The following ARMH3 variants were observed in gnomAD, a reference collection of about 807,000 sequenced individuals.
ARMH3 encodes armadillo-like helical domain-containing protein 3.
ARMH3 carries 60 observed loss-of-function variants against 99.1 expected under a neutral mutation model. The observed-to-expected ratio is 0.61, with a 90% CI of 0.49 to 0.75. ARMH3 has a LOEUF of 0.75. Ranked by LOEUF, ARMH3 falls within the 30% of genes least tolerant of loss-of-function variation. The probability of loss-of-function intolerance (pLI) is 0.00; values close to 1 mark genes in which losing one functional copy is unlikely to be tolerated. For synonymous variants in ARMH3, 285 were observed against 292.8 expected (o/e 0.97, Z 0.27); for missense variants, 679 against 843.1 (o/e 0.81, Z 2.41).
At chr10:102,040,373 G>C (rs1427590147) in intron 1 of ARMH3, among the ~76,000 whole-genome samples, 1 of 152,110 alleles carries the variant, frequency 6.6e-6, no homozygotes, top group Admixed American at 6.6e-5. Flanking sequence ...GCAGACGTAT[G>C]GGCTATCTCT....
At chr10:101,972,813 CGCGACAA>C (rs1845830015) in intron 20 of ARMH3, among the ~76,000 whole-genome samples, 1 of 152,144 alleles carries the variant, frequency 6.6e-6, no homozygotes, top group African/African-American at 2.4e-5. Context: ...TAGATGCCTT[CGCGACAA>C]GCAATGGTCC....
intron 8 of ARMH3, among the ~76,000 whole-genome samples, 198 bp downstream of exon 8, chr10:102,023,279 G>C (rs1051182214): frequency 6.6e-5 from 10 of 151,948 alleles, no homozygotes; most frequent in Admixed American, 4.6e-4. Context: ...ATTAGAAGTT[G>C]CATCACAGGA....
chr10:101,917,396 A>G (rs1843130671), intron 23 of ARMH3, among the ~76,000 whole-genome samples: 1 of 152,244 alleles, frequency 6.6e-6, no homozygotes, highest in Non-Finnish European at 1.5e-5. Context: ...TGCATAATGC[A>G]ACTGAATTAA....
At chr10:102,025,584 G>A (rs1433608981) in intron 5 of ARMH3, among the ~76,000 whole-genome samples, 2 of 152,028 alleles carry the variant, frequency 1.3e-5, no homozygotes, top group African/African-American at 2.4e-5. Flanking sequence ...AGATTACAAG[G>A]AAGCAAATAA....
intron 23 of ARMH3, among the ~76,000 whole-genome samples, chr10:101,919,562 T>C (rs1394863574): frequency 6.6e-6 from 1 of 152,178 alleles, no homozygotes; most frequent in East Asian, 1.9e-4. Flanking sequence ...CAGACCCCTG[T>C]AGGCTGAAGC....
At chr10:101,925,116 G>A (rs1043308400) in intron 23 of ARMH3, among the ~76,000 whole-genome samples, 1 of 152,186 alleles carries the variant, frequency 6.6e-6, no homozygotes, top group African/African-American at 2.4e-5. Context: ...CTTGAAGGCA[G>A]GTCACTTTAA....
chr10:101,991,420 G>A (rs1486682972), intron 18 of ARMH3, among the ~76,000 whole-genome samples: 1 of 151,496 alleles, frequency 6.6e-6, no homozygotes, highest in Non-Finnish European at 1.5e-5. Context: ...ATGCAGTCTC[G>A]CCCCAGCTGG....
chr10:102,053,214 T>TA (rs1191838493), intron 1 of ARMH3, among the ~76,000 whole-genome samples: 1,680 of 48,958 alleles, frequency 0.034, 24 homozygotes, highest in Non-Finnish European at 0.039. Flanking sequence ...CCTCAGAAGC[T>TA]AAAAAAAAAA....
chr10:102,041,970 A>T (rs1050574094), intron 1 of ARMH3, among the ~76,000 whole-genome samples: 2 of 152,160 alleles, frequency 1.3e-5, no homozygotes, highest in African/African-American at 4.8e-5. Context: ...TTACTAAGAC[A>T]TATCTCTACT....
Position 101,995,314 on chromosome 10 carries a change from G to A in ARMH3, c.1192C>T (p.Leu398Phe). The change falls in exon 16 of 26, where the codon CTT becomes TTT. Residue 398 changes from leucine to phenylalanine, a missense_variant. Physicochemically the swap from Leu to Phe is conservative, Grantham distance 22 (BLOSUM62 0). This residue lies in a region of ARMH3 where 389 missense variants were observed against 456.5 expected (regional missense o/e 0.85). Coordinates refer to ENST00000370033, the MANE Select transcript of ARMH3 (RefSeq NM_024541.3). ...AGACCTACCTCTGCAATACATGTAA[G>A]GATAATCAGACAGAGTTTGCCACTG... ...LHSGKLCLII[L>F]TCIAEDQYAN... The A allele has an allele frequency of 6.2e-7, 1 of 1,613,864 alleles. No individual in the cohort carries two copies. Among genetic ancestry groups the A allele is most frequent in the Non-Finnish European group, 8.5e-7 (1 of 1,179,828 alleles).
At chr10:101,971,650 A>G (rs1845777038) in intron 20 of ARMH3, among the ~76,000 whole-genome samples, 1 of 152,246 alleles carries the variant, frequency 6.6e-6, no homozygotes, top group East Asian at 1.9e-4. Context: ...AAATTAAGAC[A>G]GAGGTTTTTG....
chr10:101,969,573 G>C (rs1845678584), intron 20 of ARMH3, among the ~76,000 whole-genome samples: 1 of 152,202 alleles, frequency 6.6e-6, no homozygotes, highest in South Asian at 2.1e-4. Context: ...AGTAATAGGA[G>C]AGCCAGCTGG....
At chr10:101,857,564 T>A (rs2066764008) in intron 24 of ARMH3, among the ~76,000 whole-genome samples, 1 of 152,164 alleles carries the variant, frequency 6.6e-6, no homozygotes, top group Non-Finnish European at 1.5e-5. Context: ...AAATACACAA[T>A]GAAATCTCCC....
intron 22 of ARMH3, among the ~76,000 whole-genome samples, chr10:101,949,417 C>T (rs1844692774): frequency 6.6e-6 from 1 of 151,266 alleles, no homozygotes; most frequent in African/African-American, 2.4e-5. Context: ...TAAGTACAGA[C>T]CCTACAGACA....
intron 20 of ARMH3, among the ~76,000 whole-genome samples, chr10:101,974,642 C>A (rs916848897): frequency 6.6e-6 from 1 of 152,182 alleles, no homozygotes; most frequent in Non-Finnish European, 1.5e-5. Context: ...GTTAGAAAGA[C>A]AAAAGTAAAC....
At chr10:101,996,064 G>A (rs879871205) in intron 15 of ARMH3, among the ~76,000 whole-genome samples, 9 of 152,182 alleles carry the variant, frequency 5.9e-5, no homozygotes, top group Non-Finnish European at 1.2e-4. Flanking sequence ...CTCAGTAGCA[G>A]GGCTCTAAGC....
intron 19 of ARMH3, among the ~76,000 whole-genome samples, chr10:101,978,906 C>T (rs566871535): frequency 2.6e-5 from 4 of 151,838 alleles, no homozygotes; most frequent in Middle Eastern, 6.8e-3. Flanking sequence ...CGCCACTGCA[C>T]TCCAGCCTGG....
intron 5 of ARMH3, among the ~76,000 whole-genome samples, chr10:102,026,260 G>A (rs897886219): frequency 2.0e-5 from 3 of 152,180 alleles, no homozygotes; most frequent in African/African-American, 7.2e-5. Context: ...GGAAGGCCAA[G>A]GTAAGCTGCT....
At chr10:101,910,937 C>T (rs553529289) in intron 23 of ARMH3, among the ~76,000 whole-genome samples, 18 of 151,806 alleles carry the variant, frequency 1.2e-4, no homozygotes, top group East Asian at 9.7e-4. Context: ...TTCAGGAGTT[C>T]GAGATGAGCC....
Sources: gnomAD v4.1 joint callset for allele counts (sites outside exome capture counted in the v4.1 genomes callset) on GRCh38, gnomAD v4.1.1 for gene constraint, gnomAD v4.1.1 regional missense constraint, MANE v1.5 for transcripts, NCBI Gene and HGNC (gene_info 2026-07-23, HGNC 2026-07-21) for gene names.